The following CACNA2D4 variants were observed in gnomAD, a reference collection of about 807,000 sequenced individuals.
The protein encoded by CACNA2D4 is voltage-dependent calcium channel subunit alpha-2/delta-4.
A neutral mutation model predicts 163.8 loss-of-function variants in CACNA2D4; 157 were observed. The observed-to-expected ratio is 0.96, with a 90% CI of 0.84 to 1.09. The LOEUF is 1.09. Ranked by LOEUF, CACNA2D4 falls within the 50% of genes least tolerant of loss-of-function variation. CACNA2D4 has a pLI of 0.00. For missense variants in CACNA2D4, 1,410 were observed against 1,479.9 expected, an observed-to-expected ratio of 0.95 and a Z score of 0.78; for synonymous variants, 598 against 586.9, an observed-to-expected ratio of 1.02 and a Z score of -0.27.
At position 1,878,573 on chromosome 12, in the gene CACNA2D4, C is replaced by T. The variant is rs947447410; in HGVS notation, c.1645-184G>A. On this transcript the variant is annotated intron_variant, in intron 15 of 37. Transcript: ENST00000382722. This position sits in a 1 kb window ranked among gnomAD's most constrained non-coding sequence, Gnocchi z 4.6. ...CATTGATTGAGGAGTCCTTTCCAAA[C>T]CGGACTGTTTATAGCAACCGTCATC... 2.7e-6 allele frequency: 3 copies of T among 1,127,198 alleles called. No homozygotes were observed. The African/African-American group carries it at 4.6e-5, about 17-fold the overall frequency. 69.8% of individuals were successfully genotyped at this position (1,127,198 alleles called of 1,614,324 possible).
intron 31 of CACNA2D4, 64 bp from the exon 32 acceptor site, chr12:1,800,502 C>G: frequency 6.8e-7 from 1 of 1,475,062 alleles, no homozygotes; most frequent in Admixed American, 1.7e-5. Context: ...CCCCCCCCCA[C>G]CACCAGCACC....
At chr12:1,901,016 GGAATAAAACTA>G (rs1866524864) in intron 6 of CACNA2D4, among the ~76,000 whole-genome samples, 1 of 151,980 alleles carries the variant, frequency 6.6e-6, no homozygotes, top group Non-Finnish European at 1.5e-5. Context: ...TGATCACAAT[GGAATAAAACTA>G]GAACTCAACA....
At chr12:1,837,341 C>T (rs1277726360) in intron 26 of CACNA2D4, among the ~76,000 whole-genome samples, 2 of 152,108 alleles carry the variant, frequency 1.3e-5, no homozygotes, top group Admixed American at 6.5e-5. Flanking sequence ...CTTACTCAGG[C>T]GACGGCAAAC....
In CACNA2D4 at chr12:1,852,819, C is replaced by T. The variant is rs575533655; in HGVS notation, c.2246+1132G>A. Among the ~76,000 whole-genome samples, 5 of 152,298 alleles carry T rather than the reference C, an allele frequency of 3.3e-5. No homozygotes were observed. In the South Asian group the frequency reaches 6.2e-4, roughly 19 times the overall value. ...AGTCGGGGCGCAGGAGTGAGGCTGC[C>T]TGCTGTTGATTCCAGCTCTGCCACT... On this transcript the variant is annotated intron_variant, in intron 23 of 37. Coordinates refer to ENST00000382722, the MANE Select transcript of CACNA2D4 (RefSeq NM_172364.5).
chr12:1,854,573 T>A (rs1008758604), intron 22 of CACNA2D4, among the ~76,000 whole-genome samples: 4 of 152,220 alleles, frequency 2.6e-5, no homozygotes, highest in Admixed American at 6.5e-5. Context: ...ACCTGGCTAA[T>A]TTTTGTAATT....
rs1430486193 is a variant in CACNA2D4 at position 1,874,884 on chromosome 12, A to G, written c.1807-209T>C. ...AGGCATTCACCAAGATCCCACTCCC[A>G]TGTGCACTGATGCATTGGGGTACAG... On this transcript the variant is annotated intron_variant, in intron 17 of 37. Transcript: ENST00000382722. This position sits in a 1 kb window ranked among gnomAD's most constrained non-coding sequence, Gnocchi z 4.4. Among the ~76,000 whole-genome samples the G allele has an allele frequency of 6.6e-6, 1 of 152,154 alleles. No individual in the cohort carries two copies. Among genetic ancestry groups the G allele is most frequent in the Non-Finnish European group, 1.5e-5 (1 of 68,020 alleles).
chr12:1,916,214 G>A (rs960003600), intron 1 of CACNA2D4, among the ~76,000 whole-genome samples: 4 of 152,138 alleles, frequency 2.6e-5, no homozygotes, highest in Admixed American at 2.0e-4. Flanking sequence ...CAGGGGGAAT[G>A]AGCTGAGGAG....
Position 1,878,255 on chromosome 12 carries a change from G to A in CACNA2D4, c.1719+60C>T. 1.3e-6 allele frequency: 2 copies of A among 1,551,578 alleles called. No homozygotes were observed. The highest frequency in any genetic ancestry group is 1.8e-6 in the Non-Finnish European group (2 of 1,142,728). On this transcript the variant is annotated intron_variant, in intron 16 of 37. Coordinates refer to ENST00000382722, the MANE Select transcript of CACNA2D4 (RefSeq NM_172364.5). This position sits in a 1 kb window ranked among gnomAD's most constrained non-coding sequence, Gnocchi z 4.6. ...TGTGTTTGTTGTTTTAATCGTTTTT[G>A]TGAATTACCCCCAAATCCCATACAG...
At chr12:1,794,089 C>G (rs888739323) in intron 37 of CACNA2D4, among the ~76,000 whole-genome samples, 3 of 152,176 alleles carry the variant, frequency 2.0e-5, no homozygotes, top group Admixed American at 2.0e-4. Context: ...GCACCCGGCT[C>G]AGGGCCTGAC....
In CACNA2D4 at chr12:1,844,398, T is replaced by A; in HGVS notation, c.2470+4A>T. 5.6e-6 allele frequency: 9 copies of A among 1,613,370 alleles called. No homozygotes were observed. Among genetic ancestry groups the A allele is most frequent in the Non-Finnish European group, 7.6e-6 (9 of 1,179,696 alleles). ...AGCCCCGGGAGCACCGGGCTGTGTG[T>A]TACCTGGTCCTTCTGCCCAGCGGAG... On this transcript the variant is annotated splice_donor_region_variant and intron_variant, in intron 25 of 37. Coordinates refer to ENST00000382722, the MANE Select transcript of CACNA2D4 (RefSeq NM_172364.5). The surrounding 1 kb of genome is among the most constrained non-coding windows in gnomAD (Gnocchi z 4.2).
chr12:1,882,729 C>T (rs1651494731), intron 13 of CACNA2D4, 138 bp downstream of exon 13: 2 of 852,142 alleles, frequency 2.3e-6, no homozygotes, highest in Admixed American at 2.7e-5. Context: ...GGAAAAGCGG[C>T]TTCATTCGCC....
intron 18 of CACNA2D4, among the ~76,000 whole-genome samples, chr12:1,863,871 T>C (rs1055945093): frequency 3.4e-5 from 5 of 148,336 alleles, no homozygotes; most frequent in African/African-American, 1.3e-4. Flanking sequence ...ACCCTGAATG[T>C]CAACAGAAGA....
chr12:1,887,829 G>A (rs562639500), intron 6 of CACNA2D4, among the ~76,000 whole-genome samples: 1 of 152,322 alleles, frequency 6.6e-6, no homozygotes, highest in Non-Finnish European at 1.5e-5. Flanking sequence ...ATTGCAATAT[G>A]TTGTGATTGG....
intron 1 of CACNA2D4, 166 bp from the exon 2 acceptor site, chr12:1,915,101 GCACACACACGTA>G: frequency 1.4e-6 from 1 of 708,384 alleles, no homozygotes; most frequent in Non-Finnish European, 2.6e-6. Flanking sequence ...CATAAGAAAT[GCACACACACGTA>G]CACACACATA....
At position 1,883,098 on chromosome 12, in the gene CACNA2D4, C is replaced by A; in HGVS notation, c.1352-98G>T. The A allele has an allele frequency of 7.5e-7, 1 of 1,326,536 alleles. No homozygotes were observed. The allele number at this position is 1,326,536 out of a possible 1,614,324, so 82.2% of individuals were successfully genotyped here. A position where few individuals can be genotyped will look rare whatever the true frequency, so the allele number is the denominator to read the frequency against. On this transcript the variant is annotated intron_variant, in intron 12 of 37. Transcript: ENST00000382722. This position sits in a 1 kb window ranked among gnomAD's most constrained non-coding sequence, Gnocchi z 4.5. ...TCCCCAGCTGCAGATGGCTCATAGC[C>A]GAATACTCTCTGGAAACTGGACCGG...
intron 18 of CACNA2D4, among the ~76,000 whole-genome samples, chr12:1,865,848 T>C (rs4765852): frequency 0.78 from 118,223 of 152,238 alleles, 46,083 homozygotes; most frequent in East Asian, 0.87. Context: ...CAAATAACAT[T>C]AATTTTTATA....
intron 19 of CACNA2D4, among the ~76,000 whole-genome samples, chr12:1,859,851 T>C (rs1386303929): frequency 6.6e-6 from 1 of 152,142 alleles, no homozygotes; most frequent in African/African-American, 2.4e-5. Flanking sequence ...AGCAGTGAAA[T>C]AACAACAGCA....
chr12:1,885,280 A>G (rs530579719), intron 9 of CACNA2D4, among the ~76,000 whole-genome samples: 1 of 152,310 alleles, frequency 6.6e-6, no homozygotes, highest in East Asian at 1.9e-4. Context: ...GAGAGGGGAA[A>G]TGACTTGGTA....
chr12:1,795,875 G>C, intron 35 of CACNA2D4, 95 bp from the exon 36 acceptor site: 2 of 843,070 alleles, frequency 2.4e-6, no homozygotes, highest in South Asian at 2.7e-5. Context: ...GTGGAGTTAG[G>C]GTGGCAGGGA....
Sources: gnomAD v4.1 joint callset for allele counts (sites outside exome capture counted in the v4.1 genomes callset) on GRCh38, gnomAD v4.1.1 for gene constraint, Gnocchi (gnomAD v3.1) non-coding constraint, MANE v1.5 for transcripts, NCBI Gene and HGNC (gene_info 2026-07-23, HGNC 2026-07-21) for gene names.